The following PEMT variants were observed in gnomAD, a reference collection of about 807,000 sequenced individuals.
PEMT encodes the protein phosphatidylethanolamine N-methyltransferase.
Under a neutral mutation model 27.4 loss-of-function variants are expected in PEMT, and 23 were observed. That is an observed-to-expected ratio of 0.84 (90% CI 0.60 to 1.19). PEMT has a LOEUF of 1.19. Among genes scored for constraint, PEMT ranks in the 50% most tolerant of loss-of-function variants. PEMT has a pLI of 0.00. For missense variants in PEMT, 307 were observed against 310.1 expected (o/e 0.99, Z 0.07); for synonymous variants, 137 against 139.1 (o/e 0.98, Z 0.11).
chr17:17,538,663 G>C, intron 2 of PEMT, among the ~76,000 whole-genome samples: 1 of 152,246 alleles, frequency 6.6e-6, no homozygotes, highest in East Asian at 1.9e-4. Flanking sequence ...CTGCATTTAT[G>C]ATGTCTGATT....
intron 3 of PEMT, chr17:17,519,113 G>C (rs548361650): frequency 6.6e-6 from 1 of 152,366 alleles, no homozygotes; most frequent in South Asian, 2.1e-4. Flanking sequence ...GGTCCTGTCA[G>C]AGCCTGGCCC....
Position 17,512,591 on chromosome 17 carries a change from G to A in PEMT, c.384C>T (p.Ser128=). Reference sequence around the variant, plus strand: ...CCAGTCCCAGGAGCGCGAGGCCCAGGCTGTAGGCCGCGGGGGTGTCCAGGC... The same window carrying A: ...CCAGTCCCAGGAGCGCGAGGCCCAGACTGTAGGCCGCGGGGGTGTCCAGGC... The part of the protein sequence containing the change: ...MESLDTPAAY[S]LGLALLGLGV... Residue 128 remains serine, a synonymous_variant, in exon 4 of 7, where the codon AGC becomes AGT. Transcript: ENST00000255389. This position sits in a 1 kb window ranked among gnomAD's most constrained non-coding sequence, Gnocchi z 6.3. 6.2e-7 allele frequency: 1 copy of A among 1,606,150 alleles called. No individual in the cohort carries two copies. Among genetic ancestry groups the A allele is most frequent in the Non-Finnish European group, 8.5e-7 (1 of 1,176,140 alleles).
intron 2 of PEMT, among the ~76,000 whole-genome samples, chr17:17,538,574 T>G (rs914819236): frequency 2.6e-5 from 4 of 151,882 alleles, no homozygotes; most frequent in Admixed American, 1.3e-4. Flanking sequence ...AAAAAAAAAA[T>G]TAATAAATAC....
intron 3 of PEMT, among the ~76,000 whole-genome samples, chr17:17,514,142 G>T (rs2142517614): frequency 6.6e-6 from 1 of 152,308 alleles, no homozygotes; most frequent in East Asian, 1.9e-4. Flanking sequence ...GCTCTTTCAA[G>T]CAGATTGAAG....
At chr17:17,585,204 G>A (rs1054574178) in intron 1 of PEMT, among the ~76,000 whole-genome samples, 4 of 152,208 alleles carry the variant, frequency 2.6e-5, no homozygotes, top group African/African-American at 9.6e-5. Context: ...CGGGCGTGGT[G>A]GCAGGCGCCT....
At chr17:17,507,297 C>G (rs1905954695) in intron 5 of PEMT, 4 of 997,534 alleles carry the variant, frequency 4.0e-6, no homozygotes, top group Admixed American at 4.0e-5. Flanking sequence ...CAGGCCTGGG[C>G]CAGGGGCTGT....
At chr17:17,536,191 C>T (rs1908459353) in intron 2 of PEMT, among the ~76,000 whole-genome samples, 1 of 152,234 alleles carries the variant, frequency 6.6e-6, no homozygotes, top group Non-Finnish European at 1.5e-5. Context: ...GCCATGTATC[C>T]TATTCAATCT....
chr17:17,522,133 G>A (rs1161959036), intron 3 of PEMT, 147 bp downstream of exon 3: 3 of 637,722 alleles, frequency 4.7e-6, no homozygotes, highest in African/African-American at 1.8e-5. Flanking sequence ...GAGGGGTAGG[G>A]TGGCTTGCTG....
rs1299249104 is a variant in PEMT, at chr17:17,576,957, A to G, written c.167T>C (p.Val56Ala). Reference protein sequence around the residue: ...DPLDPSFVAAVITITFNPLYW... With the variant: ...DPLDPSFVAAAITITFNPLYW... ...GAGCGGATTGAAGGTGATGGTGATGACGGCAGCCACAAAGCTGGGATCCAG... is the reference window on the plus strand; with the variant it reads ...GAGCGGATTGAAGGTGATGGTGATGGCGGCAGCCACAAAGCTGGGATCCAG... The change falls in exon 2 of 7, where the codon GTC (valine) becomes GCC (alanine). Residue 56 changes from valine to alanine, a missense_variant. Transcript: ENST00000255389. 11 of 1,613,884 alleles carry G rather than the reference A, an allele frequency of 6.8e-6. No homozygotes were observed. Among genetic ancestry groups the G allele is most frequent in the Non-Finnish European group, 9.3e-6 (11 of 1,179,992 alleles).
chr17:17,550,274 TC>T (rs1264590578), intron 2 of PEMT, among the ~76,000 whole-genome samples: 1 of 152,216 alleles, frequency 6.6e-6, no homozygotes, highest in Non-Finnish European at 1.5e-5. Context: ...CTCTGCCTGT[TC>T]CAGGGCCTGC....
rs778794752 is a variant in PEMT at position 17,507,241 on chromosome 17, G to A, written c.579-940C>T. On this transcript the variant is annotated intron_variant, in intron 5 of 6. Coordinates refer to ENST00000255389, the MANE Select transcript of PEMT (RefSeq NM_148172.3). ...GGGAGGGAGGGAGGAAGAGAGGAAG[G>A]AGAGGGAGGAAAGGAGCTGTCTGGC... 2.0e-6 allele frequency: 3 copies of A among 1,488,584 alleles called. No individual in the cohort carries two copies. The Admixed American group carries it at 5.9e-5, about 29-fold the overall frequency. 92.2% of individuals were successfully genotyped at this position (1,488,584 alleles called of 1,614,324 possible).
chr17:17,567,662 G>A lies in PEMT; in HGVS notation c.204+9258C>T, dbSNP rs1910920288. Among the ~76,000 whole-genome samples the A allele has an allele frequency of 2.0e-5, 3 of 152,388 alleles. No homozygotes were observed. In the South Asian group the frequency reaches 6.2e-4, roughly 32 times the overall value. On this transcript the variant is annotated intron_variant, in intron 2 of 6. Coordinates refer to ENST00000255389, the MANE Select transcript of PEMT (RefSeq NM_148172.3). ...CCATTCGTTCTGCAGGAGTCCAGCT[G>A]TGAGCACAGCCCAGACAGGAGCGGG...
At chr17:17,537,212 A>G (rs1421312055) in intron 2 of PEMT, among the ~76,000 whole-genome samples, 5 of 152,230 alleles carry the variant, frequency 3.3e-5, no homozygotes, top group African/African-American at 9.6e-5. Flanking sequence ...GGGAGCCAGC[A>G]TGCTCAGAGT....
At chr17:17,530,171 T>C (rs957796883) in intron 2 of PEMT, among the ~76,000 whole-genome samples, 1 of 152,228 alleles carries the variant, frequency 6.6e-6, no homozygotes, top group Non-Finnish European at 1.5e-5. Context: ...CTTTGTTGAC[T>C]ATGGAACCAT....
chr17:17,533,993 A>G lies in PEMT; in HGVS notation c.205-11598T>C, dbSNP rs534400129. On this transcript the variant is annotated intron_variant, in intron 2 of 6. Transcript: ENST00000255389. ...GTGATCCACTCACCTCGGCCTCGCA[A>G]GGGATTACAGACATGAGCCACTGCA... Among the ~76,000 whole-genome samples, 116 of 152,242 alleles carry G rather than the reference A, an allele frequency of 7.6e-4. 1 individual carries two copies. The highest frequency in any genetic ancestry group is 2.8e-3 in the African/African-American group (116 of 41,528).
intron 2 of PEMT, among the ~76,000 whole-genome samples, chr17:17,564,956 G>A (rs900478678): frequency 6.6e-6 from 1 of 152,058 alleles, no homozygotes; most frequent in South Asian, 2.1e-4. Flanking sequence ...TGGGACAAAT[G>A]TCTTCCTAGG....
intron 2 of PEMT, among the ~76,000 whole-genome samples, chr17:17,529,161 G>A (rs1048584966): frequency 6.6e-6 from 1 of 152,184 alleles, no homozygotes; most frequent in Non-Finnish European, 1.5e-5. Flanking sequence ...CTCCGAGGTC[G>A]CACCGTGTCA....
chr17:17,583,800 C>A (rs1428147500), intron 1 of PEMT, among the ~76,000 whole-genome samples: 1 of 152,234 alleles, frequency 6.6e-6, no homozygotes, highest in African/African-American at 2.4e-5. Context: ...GACCCCGATG[C>A]TGGAATCTGA....
intron 2 of PEMT, among the ~76,000 whole-genome samples, chr17:17,560,031 A>G (rs1427744766): frequency 2.6e-5 from 4 of 152,208 alleles, no homozygotes; most frequent in Non-Finnish European, 5.9e-5. Context: ...AGTCTCCAAG[A>G]CAGTCACAGC....
Sources: gnomAD v4.1 joint callset for allele counts (sites outside exome capture counted in the v4.1 genomes callset) on GRCh38, gnomAD v4.1.1 for gene constraint, Gnocchi (gnomAD v3.1) non-coding constraint, MANE v1.5 for transcripts, NCBI Gene and HGNC (gene_info 2026-07-23, HGNC 2026-07-21) for gene names.